PTPN3: variants seen among roughly 807,000 people sequenced by gnomAD.
PTPN3 encodes protein tyrosine phosphatase non-receptor type 3.
A neutral mutation model predicts 132.7 loss-of-function variants in PTPN3; 96 were observed. The observed-to-expected ratio is 0.72, with a 90% CI of 0.61 to 0.86. PTPN3 has a LOEUF of 0.86. PTPN3 is among the 40% of genes least tolerant of loss of function. The pLI is 0.00. For missense variants in PTPN3, 1,125 were observed against 1,159.6 expected, an observed-to-expected ratio of 0.97 and a Z score of 0.43; for synonymous variants, 398 against 429.0, an observed-to-expected ratio of 0.93 and a Z score of 0.89.
the PTPN3 span, among the ~76,000 whole-genome samples, chr9:109,520,710 T>A: frequency 6.6e-6 from 1 of 152,260 alleles, no homozygotes; most frequent in Admixed American, 6.5e-5. Context: ...CGTGGCCTGG[T>A]TTGTTAAATT....
rs776777549 is a variant in PTPN3 at position 109,454,594 on chromosome 9, C to A, written c.290-20G>T. ...AACCTCCTACAACATTTTTCAAAAA[C>A]AAATTAAATTTTCCCTTTGACAAAG... On this transcript the variant is annotated intron_variant, in intron 4 of 25. Coordinates refer to ENST00000374541, the MANE Select transcript of PTPN3 (RefSeq NM_002829.4). 1.0e-4 allele frequency: 165 copies of A among 1,593,724 alleles called. No homozygotes were observed. The highest frequency in any genetic ancestry group is 8.5e-4 in the Middle Eastern group (5 of 5,892).
At chr9:109,453,845 TA>T (rs11353536) in intron 5 of PTPN3, among the ~76,000 whole-genome samples, 101,970 of 135,670 alleles carry the variant, frequency 0.75, 38,623 homozygotes, top group South Asian at 0.88. Flanking sequence ...CCATCTCCGT[TA>T]AAAAAAAAAA....
At chr9:109,464,753 A>C (rs1273733334) in intron 1 of PTPN3, among the ~76,000 whole-genome samples, 1 of 152,266 alleles carries the variant, frequency 6.6e-6, no homozygotes, top group Non-Finnish European at 1.5e-5. Context: ...CAAAAGAAAG[A>C]AATGAACTAC....
chr9:109,453,741 G>A lies in PTPN3; in HGVS notation c.368+755C>T, dbSNP rs532756565. Among the ~76,000 whole-genome samples, 18 of 152,124 alleles carry A rather than the reference G, an allele frequency of 1.2e-4. No individual in the cohort carries two copies. In the South Asian group the frequency reaches 3.1e-3, roughly 26 times the overall value. ...ATTCTTATAACAAAGCTGGCCTGGT[G>A]ACTCATGCCTATAATCCCAGCACCT... is the stretch of plus-strand genomic sequence containing the variant. On this transcript the variant is annotated intron_variant, in intron 5 of 25. Coordinates refer to ENST00000374541, the MANE Select transcript of PTPN3 (RefSeq NM_002829.4).
In PTPN3 at chr9:109,375,910, C is replaced by T. The variant is rs1307778606; in HGVS notation, c.*3646G>A. 1.3e-5 allele frequency: 2 copies of T among 152,218 alleles called. No homozygotes were observed. Among genetic ancestry groups the T allele is most frequent in the Admixed American group, 6.5e-5 (1 of 15,288 alleles). The allele number at this position is 152,218 out of a possible 1,614,324, so 9.4% of individuals were successfully genotyped here. ...GTGGCCCAGCCCGGCCATCAGACTC[C>T]CAAGCATTTGGTCCCCGGTCTGAGG... On this transcript the variant is annotated 3_prime_UTR_variant, in exon 26 of 26. Transcript: ENST00000374541.
At chr9:109,523,927 G>A in the PTPN3 span, among the ~76,000 whole-genome samples, 2 of 152,150 alleles carry the variant, frequency 1.3e-5, no homozygotes, top group South Asian at 4.2e-4. Flanking sequence ...ATTCCTTTCA[G>A]TGGATAACTA....
At chr9:109,466,231 C>T (rs1364980145) in intron 1 of PTPN3, among the ~76,000 whole-genome samples, 5 of 152,106 alleles carry the variant, frequency 3.3e-5, no homozygotes, top group Admixed American at 1.3e-4. Context: ...GAAAATGAAG[C>T]TAAATTTTAT....
At chr9:109,532,825 G>A in the PTPN3 span, 2 of 902,164 alleles carry the variant, frequency 2.2e-6, no homozygotes, top group Non-Finnish European at 3.0e-6. Flanking sequence ...ATGATAAGTC[G>A]GAATTTACTC....
chr9:109,385,025 G>A (rs1055428298), intron 22 of PTPN3, among the ~76,000 whole-genome samples: 1 of 152,234 alleles, frequency 6.6e-6, no homozygotes, highest in Non-Finnish European at 1.5e-5. Flanking sequence ...TCCCTGTCCT[G>A]TAGGCTCCCA....
In PTPN3 at chr9:109,436,785, T is replaced by C; in HGVS notation, c.675+98A>G. On this transcript the variant is annotated intron_variant, in intron 9 of 25. Transcript: ENST00000374541. ...AAATATCTTTTAAAAAGTCCTGTTA[T>C]AATGAAAAAGAAATAGTTTCATCAA... 4 of 1,495,568 alleles carry C rather than the reference T, an allele frequency of 2.7e-6. No homozygotes were observed. In the African/African-American group the frequency reaches 4.2e-5, roughly 16 times the overall value. 92.6% of individuals were successfully genotyped at this position (1,495,568 alleles called of 1,614,324 possible).
intron 9 of PTPN3, among the ~76,000 whole-genome samples, chr9:109,435,583 T>G (rs139680992): frequency 4.7e-4 from 72 of 152,304 alleles, no homozygotes; most frequent in African/African-American, 1.7e-3. Flanking sequence ...TTTAGGGGTT[T>G]TTAGTTCACG....
chr9:109,415,092 A>G (rs527455648), intron 14 of PTPN3, among the ~76,000 whole-genome samples: 6 of 150,756 alleles, frequency 4.0e-5, no homozygotes, highest in African/African-American at 1.2e-4. Flanking sequence ...CCATCCATCC[A>G]TCCATCCATC....
rs572294560 is a variant in PTPN3, at chr9:109,451,369, C to G, written c.369-2514G>C. 6 of 970,600 alleles carry G rather than the reference C, an allele frequency of 6.2e-6. No homozygotes were observed. In the African/African-American group the frequency reaches 1.1e-4, roughly 17 times the overall value. 60.1% of individuals were successfully genotyped at this position (970,600 alleles called of 1,614,324 possible). On this transcript the variant is annotated intron_variant, in intron 5 of 25. Coordinates refer to ENST00000374541, the MANE Select transcript of PTPN3 (RefSeq NM_002829.4). ...GTCATAGTTACATTCTACTCCACAA[C>G]GGGATACCACCCTTCTTAAGATGGA...
intron 5 of PTPN3, chr9:109,449,143 C>A: frequency 8.2e-7 from 1 of 1,224,252 alleles, no homozygotes; most frequent in South Asian, 2.2e-5. Context: ...AAACAGCCCA[C>A]CAAAGATGGG....
At chr9:109,457,597 A>G (rs1588460918) in intron 2 of PTPN3, among the ~76,000 whole-genome samples, 198 bp from the exon 3 acceptor site, 1 of 152,326 alleles carries the variant, frequency 6.6e-6, no homozygotes, top group East Asian at 1.9e-4. Flanking sequence ...TGACATCAAC[A>G]CAAGACAATA....
the PTPN3 span, among the ~76,000 whole-genome samples, chr9:109,526,288 C>T: frequency 4.0e-5 from 6 of 150,310 alleles, no homozygotes; most frequent in African/African-American, 1.2e-4. Context: ...TATTAATTTA[C>T]TTTAAATTCA....
Position 109,433,091 on chromosome 9 carries a change from C to A in PTPN3, c.746G>T (p.Cys249Phe), listed in dbSNP as rs767443683. ...AGVAVYRKYI[C>F]TSFYPWVNIL... ...CACTTACCAAGGATAGAAACTTGTG[C>A]AAATGTATTTTCGGTACACAGCAAC... The change falls in exon 10 of 26, where the codon TGC becomes TTC. Residue 249 changes from cysteine to phenylalanine, a missense_variant. Transcript: ENST00000374541. The A allele has an allele frequency of 1.9e-6, 3 of 1,614,010 alleles. No homozygotes were observed. The South Asian group carries it at 3.3e-5, about 18-fold the overall frequency.
intron 5 of PTPN3, chr9:109,449,595 C>A (rs767464318): frequency 3.7e-4 from 368 of 985,318 alleles, no homozygotes; most frequent in Non-Finnish European, 4.4e-4. Flanking sequence ...GGCAGCATTG[C>A]GCAGGTCAGG....
chr9:109,532,891 A>G, the PTPN3 span: 1 of 1,074,536 alleles, frequency 9.3e-7, no homozygotes, highest in Non-Finnish European at 1.2e-6. Context: ...CAGCTGGTGG[A>G]TCGGCTGCTT....
Sources: gnomAD v4.1 joint callset for allele counts (sites outside exome capture counted in the v4.1 genomes callset) on GRCh38, gnomAD v4.1.1 for gene constraint, MANE v1.5 for transcripts, NCBI Gene and HGNC (gene_info 2026-07-23, HGNC 2026-07-21) for gene names.